The following CACNA1A variants were observed in gnomAD, a reference collection of about 807,000 sequenced individuals.
CACNA1A encodes the protein voltage-dependent P/Q-type calcium channel subunit alpha-1A.
Under a neutral mutation model 262.4 loss-of-function variants are expected in CACNA1A, and 57 were observed. The observed-to-expected ratio is 0.22, with a 90% CI of 0.18 to 0.27. CACNA1A has a LOEUF of 0.27. CACNA1A is among the 10% of genes least tolerant of loss of function. The pLI, the probability that CACNA1A is intolerant of heterozygous loss-of-function variation, is 1.00. For missense variants in CACNA1A, 2,526 were observed against 3,562.8 expected (o/e 0.71, Z 7.41); for synonymous variants, 1,431 against 1,419.3 (o/e 1.01, Z -0.18).
chr19:13,322,861 T>C (rs2058283339), intron 10 of CACNA1A, among the ~76,000 whole-genome samples: 2 of 152,240 alleles, frequency 1.3e-5, no homozygotes, highest in African/African-American at 4.8e-5. Flanking sequence ...CCACCCTAAT[T>C]AAGTTTGATC....
At chr19:13,259,512 C>T (rs917810887) in intron 27 of CACNA1A, 52 bp downstream of exon 27, 3 of 1,545,208 alleles carry the variant, frequency 1.9e-6, no homozygotes, top group Admixed American at 3.8e-5. Context: ...GGCCCTTTAT[C>T]CTCCTGCTCC....
rs1052611146 is a variant in CACNA1A at position 13,259,650 on chromosome 19, C to T, written c.4302G>A (p.Glu1434=). Reference sequence around the variant, plus strand: ...CGTAATGGAATTCATACTTCTTCCACTCCCGGTCTCGCGCCTTCACCTCAT... The same window carrying T: ...CGTAATGGAATTCATACTTCTTCCATTCCCGGTCTCGCGCCTTCACCTCAT... ...EKNEVKARDR[E]WKKYEFHYDN... The change falls in exon 27 of 47, where the codon GAG becomes GAA. Residue 1434 remains glutamate (E), a synonymous_variant. Transcript: ENST00000360228. 7 of 1,610,740 alleles carry T rather than the reference C, an allele frequency of 4.3e-6. No homozygotes were observed. The highest frequency in any genetic ancestry group is 5.9e-6 in the Non-Finnish European group (7 of 1,178,576).
chr19:13,213,151 G>T (rs1006922878), intron 40 of CACNA1A, among the ~76,000 whole-genome samples: 2 of 152,128 alleles, frequency 1.3e-5, no homozygotes, highest in Non-Finnish European at 2.9e-5. Flanking sequence ...TGAAGGATCT[G>T]CCCTGTCACC....
chr19:13,298,429 A>C lies in CACNA1A; in HGVS notation c.3089+115T>G, dbSNP rs750568009. ...CAGGCGTGAGCCACTGCGCCTGGCC[A>C]AATACAGCATTTTATAATATATTTT... On this transcript the variant is annotated intron_variant, in intron 19 of 46. Coordinates refer to ENST00000360228, the MANE Select transcript of CACNA1A (RefSeq NM_001127222.2). The C allele has an allele frequency of 3.7e-4, 391 of 1,070,996 alleles. 1 individual carries two copies. Among genetic ancestry groups the C allele is most frequent in the Non-Finnish European group, 4.9e-4 (372 of 760,584 alleles). The allele number at this position is 1,070,996 out of a possible 1,614,324, so 66.3% of individuals were successfully genotyped here. A position where few individuals can be genotyped will look rare whatever the true frequency, so the allele number is the denominator to read the frequency against.
rs1981748927 is a variant in CACNA1A, at chr19:13,497,514, AAAAAAAAATATATATATATATATATATAT to A, written c.293+8389_293+8417del. Among the ~76,000 whole-genome samples the A allele has an allele frequency of 2.0e-4, 8 of 39,262 alleles. 1 individual carries two copies. Among genetic ancestry groups the A allele is most frequent in the African/African-American group, 6.2e-4 (6 of 9,720 alleles). The allele number at this position is 39,262 out of a possible 152,430, so 25.8% of individuals were successfully genotyped here. ...AAAAAAAAAAAAAAAAAAAAAAAAA[AAAAAAAAATATATATATATATATATATAT>A]ATATATATATATATATATATATATA... On this transcript the variant is annotated intron_variant, in intron 1 of 46. Transcript: ENST00000360228.
Position 13,253,085 on chromosome 19 carries a change from A to G in CACNA1A, c.4772T>C (p.Val1591Ala), listed in dbSNP as rs770150171. 1.7e-5 allele frequency: 28 copies of G among 1,612,404 alleles called. No homozygotes were observed. The highest frequency in any genetic ancestry group is 2.2e-5 in the Non-Finnish European group (26 of 1,178,528). The change falls in exon 30 of 47, where the codon GTT (valine) becomes GCT (alanine). Residue 1591 changes from valine (V) to alanine (A), a missense_variant. Coordinates refer to ENST00000360228, the MANE Select transcript of CACNA1A (RefSeq NM_001127222.2). ...CACCCGCAGGGCATTTTCATAAGCAACAGAAGCCCCATAGAACTAGGGGAA... is the reference window on the plus strand; with the variant it reads ...CACCCGCAGGGCATTTTCATAAGCAGCAGAAGCCCCATAGAACTAGGGGAA... ...VLMMKFYGASVAYENALRVFN... is the reference protein window; with the variant it reads ...VLMMKFYGASAAYENALRVFN...
intron 25 of CACNA1A, 51 bp from the exon 26 acceptor site, chr19:13,261,661 C>T: frequency 2.6e-6 from 4 of 1,554,438 alleles, no homozygotes; most frequent in Non-Finnish European, 8.8e-7. Context: ...CCTGCCCAAC[C>T]TTCTGCCTCC....
At chr19:13,497,564 ATATATATATAT>A (rs1981825528) in intron 1 of CACNA1A, among the ~76,000 whole-genome samples, 2 of 38,784 alleles carry the variant, frequency 5.2e-5, no homozygotes, top group Non-Finnish European at 9.2e-5. Flanking sequence ...ATATATATAT[ATATATATATAT>A]ATATAAATTT....
chr19:13,241,882 T>C lies in CACNA1A; in HGVS notation c.4950+3300A>G, dbSNP rs2056090981. 6.6e-6 allele frequency among the ~76,000 whole-genome samples: 1 copy of C among 152,198 alleles called. No homozygotes were observed. The highest frequency in any genetic ancestry group is 1.5e-5 in the Non-Finnish European group (1 of 68,034). On this transcript the variant is annotated intron_variant, in intron 31 of 46. Coordinates refer to ENST00000360228, the MANE Select transcript of CACNA1A (RefSeq NM_001127222.2). The surrounding 1 kb of genome is among the most constrained non-coding windows in gnomAD (Gnocchi z 4.0). ...GGCAAACCCACATCACCCCAGCCAC[T>C]TGGGGGCAGCAGCTGAGACAGCACT...
chr19:13,280,882 A>G, intron 22 of CACNA1A, among the ~76,000 whole-genome samples: 1 of 146,474 alleles, frequency 6.8e-6, no homozygotes. Flanking sequence ...CGGAGGTTGC[A>G]GTGAGCCAAG....
At chr19:13,502,442 TAGA>T (rs1338023364) in intron 1 of CACNA1A, among the ~76,000 whole-genome samples, 3 of 152,140 alleles carry the variant, frequency 2.0e-5, no homozygotes, top group Non-Finnish European at 2.9e-5. Context: ...TGGCACTTGG[TAGA>T]AGGAGTGAGT....
chr19:13,327,160 C>A (rs947307115), intron 10 of CACNA1A, among the ~76,000 whole-genome samples: 1 of 152,078 alleles, frequency 6.6e-6, no homozygotes, highest in Non-Finnish European at 1.5e-5. Flanking sequence ...GGATTACAGG[C>A]GTGAGCCACC....
At chr19:13,332,512 T>C (rs1293232702) in intron 9 of CACNA1A, among the ~76,000 whole-genome samples, 1 of 152,186 alleles carries the variant, frequency 6.6e-6, no homozygotes, top group African/African-American at 2.4e-5. Context: ...TTATTACTTA[T>C]TTAGCAAACA....
chr19:13,360,766 T>C (rs1277268834), intron 5 of CACNA1A, among the ~76,000 whole-genome samples: 2 of 152,206 alleles, frequency 1.3e-5, no homozygotes, highest in African/African-American at 2.4e-5. Flanking sequence ...CGTGAGCCAC[T>C]GCACCCAGCC....
At chr19:13,340,807 T>C (rs10414327) in intron 6 of CACNA1A, among the ~76,000 whole-genome samples, 105,329 of 151,998 alleles carry the variant, frequency 0.69, 36,615 homozygotes, top group Admixed American at 0.76. Context: ...GAAGTCCTAA[T>C]CCCTGGTACC....
intron 3 of CACNA1A, among the ~76,000 whole-genome samples, chr19:13,450,103 T>C (rs1021655546): frequency 7.7e-6 from 1 of 129,776 alleles, no homozygotes; most frequent in Non-Finnish European, 1.5e-5. Flanking sequence ...ATTGTACCAC[T>C]GCACTCCAGC....
intron 6 of CACNA1A, among the ~76,000 whole-genome samples, chr19:13,341,082 A>G (rs532922347): frequency 3.9e-5 from 6 of 152,284 alleles, no homozygotes; most frequent in East Asian, 1.9e-4. Flanking sequence ...TAAAATAAAG[A>G]AACAAACAAA....
chr19:13,287,342 C>A (rs2057427630), intron 19 of CACNA1A, among the ~76,000 whole-genome samples: 1 of 151,792 alleles, frequency 6.6e-6, no homozygotes, highest in South Asian at 2.1e-4. Context: ...CAGAGTGAGA[C>A]CCTGTCACCA....
chr19:13,434,600 T>A (rs1474422910), intron 3 of CACNA1A, among the ~76,000 whole-genome samples: 1 of 152,028 alleles, frequency 6.6e-6, no homozygotes, highest in African/African-American at 2.4e-5. Context: ...CCACTCTCTC[T>A]CTTCCTCCTG....
Sources: gnomAD v4.1 joint callset for allele counts (sites outside exome capture counted in the v4.1 genomes callset) on GRCh38, gnomAD v4.1.1 for gene constraint, Gnocchi (gnomAD v3.1) non-coding constraint, MANE v1.5 for transcripts, NCBI Gene and HGNC (gene_info 2026-07-23, HGNC 2026-07-21) for gene names.